ANKFN1: variants seen among roughly 807,000 people sequenced by gnomAD.
The protein encoded by ANKFN1 is ankyrin repeat and fibronectin type-III domain-containing protein 1.
ANKFN1 carries 74 observed loss-of-function variants against 108.7 expected under a neutral mutation model. That is an observed-to-expected ratio of 0.68 (90% CI 0.56 to 0.83). ANKFN1 has a LOEUF of 0.83. Ranked by LOEUF, ANKFN1 falls within the 40% of genes least tolerant of loss-of-function variation. The pLI is 0.00. For missense variants in ANKFN1, 1,505 were observed against 1,382.3 expected, an observed-to-expected ratio of 1.09 and a Z score of -1.41; for synonymous variants, 547 against 516.2, an observed-to-expected ratio of 1.06 and a Z score of -0.81.
In ANKFN1 at chr17:56,512,000, G is replaced by C. The variant is rs1269077668; in HGVS notation, c.*731G>C. ...AATAGGACAGAAAGTAGCCCTTCCT[G>C]TATACTCAGCTCCCATCCAAGCATG... On this transcript the variant is annotated 3_prime_UTR_variant, in exon 21 of 21. Coordinates refer to ENST00000682825, the MANE Select transcript of ANKFN1 (RefSeq NM_001370326.1). Among the ~76,000 whole-genome samples the C allele has an allele frequency of 1.3e-5, 2 of 152,128 alleles. No homozygotes were observed. Among genetic ancestry groups the C allele is most frequent in the African/African-American group, 4.8e-5 (2 of 41,410 alleles).
chr17:56,106,891 G>A (rs1483037284), intron 4 of ANKFN1, among the ~76,000 whole-genome samples: 2 of 152,014 alleles, frequency 1.3e-5, no homozygotes, highest in Non-Finnish European at 2.9e-5. Context: ...TGAAGCAGTG[G>A]GCATTTTCCC....
chr17:56,055,566 C>CACATATATATATATATATAT (rs1555588767), intron 4 of ANKFN1, among the ~76,000 whole-genome samples: 2 of 47,458 alleles, frequency 4.2e-5, no homozygotes, highest in African/African-American at 1.3e-4. Flanking sequence ...GGTATATATA[C>CACATATATATATATATATAT]ATATATATAT....
chr17:56,465,110 C>G (rs1467152625), intron 14 of ANKFN1, among the ~76,000 whole-genome samples: 1 of 151,652 alleles, frequency 6.6e-6, no homozygotes, highest in Non-Finnish European at 1.5e-5. Context: ...CTTTTTTTTC[C>G]TTTTTCACTA....
chr17:56,455,347 C>T (rs777684463), intron 11 of ANKFN1, among the ~76,000 whole-genome samples: 1 of 152,184 alleles, frequency 6.6e-6, no homozygotes, highest in Non-Finnish European at 1.5e-5. Flanking sequence ...AGCATTATTT[C>T]CAAGCAGCCA....
chr17:56,417,181 ATAATT>A (rs1047049428), intron 8 of ANKFN1, among the ~76,000 whole-genome samples: 2 of 152,190 alleles, frequency 1.3e-5, no homozygotes, highest in African/African-American at 4.8e-5. Context: ...ATAGTCATTA[ATAATT>A]TAATTTTATG....
At chr17:56,200,784 C>T (rs148438420) in intron 1 of ANKFN1, among the ~76,000 whole-genome samples, 1 of 152,294 alleles carries the variant, frequency 6.6e-6, no homozygotes, top group African/African-American at 2.4e-5. Flanking sequence ...GTAACCAGTG[C>T]TTGATATCTA....
chr17:56,274,727 T>C (rs2043879041), intron 3 of ANKFN1, among the ~76,000 whole-genome samples: 1 of 152,150 alleles, frequency 6.6e-6, no homozygotes, highest in South Asian at 2.1e-4. Context: ...GCAATTTGCC[T>C]GGGTTTTTTG....
chr17:56,407,734 A>C (rs2047963603), intron 8 of ANKFN1, among the ~76,000 whole-genome samples: 2 of 152,166 alleles, frequency 1.3e-5, no homozygotes, highest in African/African-American at 4.8e-5. Flanking sequence ...ATTTGGCTAC[A>C]TTAACTGTAG....
At chr17:56,315,488 G>T (rs983317403) in intron 3 of ANKFN1, among the ~76,000 whole-genome samples, 1 of 152,194 alleles carries the variant, frequency 6.6e-6, no homozygotes, top group Admixed American at 6.5e-5. Flanking sequence ...GACAGAAGGT[G>T]CCTGTTGCTG....
At chr17:56,185,844 A>G (rs1020628744) in intron 1 of ANKFN1, among the ~76,000 whole-genome samples, 16 of 152,190 alleles carry the variant, frequency 1.1e-4, no homozygotes, top group Admixed American at 4.6e-4. Flanking sequence ...GCCCTAATAA[A>G]CTAAATTCGA....
At chr17:56,497,426 C>G (rs1174960942) in intron 19 of ANKFN1, among the ~76,000 whole-genome samples, 1 of 152,148 alleles carries the variant, frequency 6.6e-6, no homozygotes, top group African/African-American at 2.4e-5. Flanking sequence ...GGGAAAACGG[C>G]TGTAAGACCA....
chr17:56,364,078 C>T lies in ANKFN1; in HGVS notation c.602-8568C>T, dbSNP rs552792187. 8.7e-4 allele frequency among the ~76,000 whole-genome samples: 132 copies of T among 152,050 alleles called. 2 individuals are homozygous for T. Among genetic ancestry groups the T allele is most frequent in the Middle Eastern group, 3.4e-3 (1 of 290 alleles). On this transcript the variant is annotated intron_variant, in intron 6 of 20. Transcript: ENST00000682825. Reference sequence around the variant, plus strand: ...TTCAAAATTGGTAAAAGAGTAAATTCCAAATGTTCTCACCACAAAAAAAAG... The same window carrying T: ...TTCAAAATTGGTAAAAGAGTAAATTTCAAATGTTCTCACCACAAAAAAAAG...
At chr17:56,112,826 T>C (rs1906043558) in intron 4 of ANKFN1, among the ~76,000 whole-genome samples, 1 of 152,196 alleles carries the variant, frequency 6.6e-6, no homozygotes, top group South Asian at 2.1e-4. Flanking sequence ...TTTCTTCTAT[T>C]GTTAGAGTTT....
At position 56,482,398 on chromosome 17, in the gene ANKFN1, G is replaced by A. The variant is rs1240222087; in HGVS notation, c.2134G>A (p.Gly712Ser). 1 of 1,612,574 alleles carries A rather than the reference G, an allele frequency of 6.2e-7. No individual in the cohort carries two copies. Among genetic ancestry groups the A allele is most frequent in the Admixed American group, 1.7e-5 (1 of 59,862 alleles). ...RLYTQEVLEMGHNVSFLLLLP... is the reference protein window; with the variant it reads ...RLYTQEVLEMSHNVSFLLLLP... ...CTACACACAGGAGGTGTTGGAAATG[G>A]GTCACAATGTGTCCTTTCTTCTCCT... Residue 712 changes from glycine to serine, a missense_variant, in exon 18 of 21, where the codon GGT becomes AGT. Coordinates refer to ENST00000682825, the MANE Select transcript of ANKFN1 (RefSeq NM_001370326.1).
At chr17:56,288,025 G>A (rs2044263291) in intron 3 of ANKFN1, among the ~76,000 whole-genome samples, 1 of 151,696 alleles carries the variant, frequency 6.6e-6, no homozygotes, top group Non-Finnish European at 1.5e-5. Context: ...TTTCTGTGAT[G>A]GTGGACCCAG....
intron 4 of ANKFN1, among the ~76,000 whole-genome samples, chr17:56,093,497 A>G (rs1281445171): frequency 6.6e-6 from 1 of 151,192 alleles, no homozygotes; most frequent in Non-Finnish European, 1.5e-5. Context: ...TGGAATACTA[A>G]GCGCAAAAAA....
intron 20 of ANKFN1, among the ~76,000 whole-genome samples, chr17:56,509,781 T>C (rs1239326961): frequency 1.3e-5 from 2 of 152,212 alleles, no homozygotes; most frequent in South Asian, 2.1e-4. Context: ...GTCCCTAAAA[T>C]AGAAGAAACC....
At chr17:56,441,541 A>G (rs571461811) in intron 9 of ANKFN1, among the ~76,000 whole-genome samples, 2 of 152,230 alleles carry the variant, frequency 1.3e-5, no homozygotes, top group East Asian at 1.9e-4. Flanking sequence ...AGATGCTATC[A>G]GTAGAAGACT....
At chr17:56,454,891 C>T (rs935580431) in intron 11 of ANKFN1, among the ~76,000 whole-genome samples, 8 of 152,118 alleles carry the variant, frequency 5.3e-5, no homozygotes, top group East Asian at 3.8e-4. Context: ...TTTGGGTGTT[C>T]GTTTGTCTGT....
Sources: gnomAD v4.1 joint callset for allele counts (sites outside exome capture counted in the v4.1 genomes callset) on GRCh38, gnomAD v4.1.1 for gene constraint, MANE v1.5 for transcripts, NCBI Gene and HGNC (gene_info 2026-07-23, HGNC 2026-07-21) for gene names.